The following ERI1 variants were observed in gnomAD, a reference collection of about 807,000 sequenced individuals.
The protein encoded by ERI1 is 3'-5' exoribonuclease 1.
ERI1 carries 39 observed loss-of-function variants against 39.7 expected under a neutral mutation model. The ratio of observed to expected loss-of-function variants is 0.98; its 90% confidence interval spans 0.76 to 1.28. ERI1 has a LOEUF of 1.28. ERI1 is among the 50% of genes most tolerant of loss of function. The pLI, the probability that ERI1 is intolerant of heterozygous loss-of-function variation, is 0.00. For missense variants in ERI1, 581 were observed against 416.9 expected, an observed-to-expected ratio of 1.39 and a Z score of -3.43; for synonymous variants, 204 against 149.6, an observed-to-expected ratio of 1.36 and a Z score of -2.65.
chr8:9,062,818 C>G (rs1012417652), intron 3 of ERI1: 1 of 151,768 alleles, frequency 6.6e-6, no homozygotes, highest in East Asian at 2.0e-4. Context: ...AGTGGGGTCT[C>G]GCTCAGATGG....
Position 9,030,893 on chromosome 8 carries a change from T to C in ERI1, c.*859T>C, listed in dbSNP as rs1301888408. The C allele has an allele frequency of 6.6e-6, 1 of 152,232 alleles. No individual in the cohort carries two copies. The highest frequency in any genetic ancestry group is 1.5e-5 in the Non-Finnish European group (1 of 68,018). The allele number at this position is 152,232 out of a possible 1,614,324, so 9.4% of individuals were successfully genotyped here. A position where few individuals can be genotyped will look rare whatever the true frequency, so the allele number is the denominator to read the frequency against. ...TCGTAAGTGAGGTTAATAAAGTCAA[T>C]ACTTTCTACCATATATTACGTTTTT... On this transcript the variant is annotated 3_prime_UTR_variant, in exon 7 of 7. Transcript: ENST00000250263.
Position 9,011,580 on chromosome 8 carries a change from A to G in ERI1, c.326A>G (p.Tyr109Cys), listed in dbSNP as rs1350556478. 2.5e-6 allele frequency: 4 copies of G among 1,612,730 alleles called. No individual in the cohort carries two copies. Among genetic ancestry groups the G allele is most frequent in the East Asian group, 4.5e-5 (2 of 44,852 alleles). The change falls in exon 3 of 7, where the codon TAT becomes TGT. Residue 109 changes from tyrosine (Y) to cysteine (C), a missense_variant. Physicochemically the swap from Tyr to Cys is radical, Grantham distance 194 (BLOSUM62 -2). Coordinates refer to ENST00000250263, the MANE Select transcript of ERI1 (RefSeq NM_153332.4). ...GTTCTAAAGAAGAGACTGAAAAACT[A>G]TTATAAGAAGCAGAAGCTGATGCTG... ...KDVLKKRLKNYYKKQKLMLKE... is the reference protein window; with the variant it reads ...KDVLKKRLKNCYKKQKLMLKE...
intron 6 of ERI1, among the ~76,000 whole-genome samples, chr8:9,022,873 TC>T (rs906256092): frequency 6.6e-6 from 1 of 152,178 alleles, no homozygotes; most frequent in African/African-American, 2.4e-5. Context: ...ACTTTCCTCT[TC>T]CTTATTATTT....
rs114209463 is a variant in ERI1, at chr8:9,030,545, C to T, written c.*511C>T. On this transcript the variant is annotated 3_prime_UTR_variant, in exon 7 of 7. Coordinates refer to ENST00000250263, the MANE Select transcript of ERI1 (RefSeq NM_153332.4). ...AGTTCACCATGTATGTGGTGAATTT[C>T]GTAAGGTACTTGGTATACATATCTG... 833 of 156,904 alleles carry T rather than the reference C, an allele frequency of 5.3e-3. 9 individuals carry two copies. Among genetic ancestry groups the T allele is most frequent in the African/African-American group, 0.018 (764 of 41,540 alleles). The allele number at this position is 156,904 out of a possible 1,614,324, so 9.7% of individuals were successfully genotyped here.
chr8:9,075,476 T>G (rs185834976), intron 3 of ERI1, among the ~76,000 whole-genome samples: 24 of 149,986 alleles, frequency 1.6e-4, no homozygotes, highest in African/African-American at 5.7e-4. Context: ...TAATATCACA[T>G]GCTGAACATG....
At chr8:9,071,211 C>T (rs1201411628) in intron 3 of ERI1, among the ~76,000 whole-genome samples, 3 of 152,174 alleles carry the variant, frequency 2.0e-5, no homozygotes, top group African/African-American at 4.8e-5. Context: ...CAGACATCTA[C>T]GAGGTCAGTT....
At position 9,011,671 on chromosome 8, in the gene ERI1, T is replaced by C. The variant is rs143220656; in HGVS notation, c.417T>C (p.Cys139=). 642 of 1,613,744 alleles carry C rather than the reference T, an allele frequency of 4.0e-4. 6 individuals carry two copies. In the African/African-American group the frequency reaches 7.6e-3, roughly 19 times the overall value. ...GTATTATTGACTTTGAAGCCACTTGTGAAGAAGGAAACCCACCTGAGTTTG... is the reference window on the plus strand; with the variant it reads ...GTATTATTGACTTTGAAGCCACTTGCGAAGAAGGAAACCCACCTGAGTTTG... ...YICIIDFEAT[C]EEGNPPEFVH... The change falls in exon 3 of 7, where the codon TGT becomes TGC. Residue 139 remains cysteine (C), a synonymous_variant. Coordinates refer to ENST00000250263, the MANE Select transcript of ERI1 (RefSeq NM_153332.4).
intron 3 of ERI1, among the ~76,000 whole-genome samples, chr8:9,039,680 CAAAT>C (rs771900284): frequency 2.5e-4 from 38 of 152,134 alleles, no homozygotes; most frequent in Admixed American, 7.2e-4. Context: ...AATTAAGAAT[CAAAT>C]AAAATTCTTT....
chr8:9,019,730 A>G (rs918713202), intron 5 of ERI1, among the ~76,000 whole-genome samples: 2 of 152,224 alleles, frequency 1.3e-5, no homozygotes, highest in East Asian at 3.8e-4. Context: ...AAGAAAATAC[A>G]AAGGATTATA....
chr8:9,006,325 T>A (rs182719819), intron 1 of ERI1, among the ~76,000 whole-genome samples: 1 of 152,204 alleles, frequency 6.6e-6, no homozygotes, highest in African/African-American at 2.4e-5. Context: ...TTTTTCTTTA[T>A]GGAAGTCATA....
chr8:9,084,370 C>G (rs928921006), intron 3 of ERI1, among the ~76,000 whole-genome samples: 4 of 152,196 alleles, frequency 2.6e-5, no homozygotes, highest in Middle Eastern at 3.2e-3. Context: ...TTGTAACTTT[C>G]TACTTCTCAC....
intron 3 of ERI1, among the ~76,000 whole-genome samples, chr8:9,069,326 AG>A (rs1158641007): frequency 6.6e-6 from 1 of 152,234 alleles, no homozygotes; most frequent in Admixed American, 6.5e-5. Context: ...AATTTTTAAA[AG>A]CACTTATGTT....
At chr8:9,076,377 T>C (rs747301093) in intron 3 of ERI1, among the ~76,000 whole-genome samples, 3 of 152,310 alleles carry the variant, frequency 2.0e-5, no homozygotes, top group East Asian at 3.9e-4. Context: ...AGGAAAGATA[T>C]ACAACATCTA....
intron 3 of ERI1, among the ~76,000 whole-genome samples, chr8:9,041,046 A>G (rs1798002310): frequency 2.6e-5 from 4 of 152,202 alleles, no homozygotes. Context: ...GCCCCCAGGC[A>G]CTTGCTCCGC....
Position 9,020,358 on chromosome 8 carries a change from A to G in ERI1, c.701A>G (p.Asp234Gly). 6.4e-7 allele frequency: 1 copy of G among 1,574,712 alleles called. No homozygotes were observed. Among genetic ancestry groups the G allele is most frequent in the Non-Finnish European group, 8.6e-7 (1 of 1,164,036 alleles). ...CCTTTTTTAATTTATAGTTCTTGGG[A>G]TATGAGTAAGTTCTTGAACATTCAG... ...KYSLLTDGSWDMSKFLNIQCQ... is the reference protein window; with the variant it reads ...KYSLLTDGSWGMSKFLNIQCQ... Residue 234 changes from aspartate (D) to glycine (G), a missense_variant, in exon 6 of 7, where the codon GAT becomes GGT. Coordinates refer to ENST00000250263, the MANE Select transcript of ERI1 (RefSeq NM_153332.4).
At chr8:9,044,425 C>G (rs1798115361) in intron 3 of ERI1, among the ~76,000 whole-genome samples, 2 of 152,138 alleles carry the variant, frequency 1.3e-5, no homozygotes, top group East Asian at 1.9e-4. Flanking sequence ...GGTCAGCAGA[C>G]ACATCACTGC....
At chr8:9,027,137 GTGTGTGTGTGTA>G (rs1399919898) in intron 6 of ERI1, among the ~76,000 whole-genome samples, 11 of 45,932 alleles carry the variant, frequency 2.4e-4, no homozygotes, top group African/African-American at 4.5e-4. Flanking sequence ...TTATTTTCTG[GTGTGTGTGTGTA>G]TGTGTGTGTG....
intron 6 of ERI1, among the ~76,000 whole-genome samples, chr8:9,021,109 A>T (rs1275645148): frequency 6.6e-6 from 1 of 152,036 alleles, no homozygotes; most frequent in African/African-American, 2.4e-5. Flanking sequence ...ATTACCTTTC[A>T]GTCAGAGCAC....
downstream of ERI1, among the ~76,000 whole-genome samples, chr8:9,037,926 T>C (rs566985857): frequency 6.6e-6 from 1 of 151,912 alleles, no homozygotes; most frequent in African/African-American, 2.4e-5. Context: ...CCAAGTATCT[T>C]TGGCCTTGAA....
Sources: allele counts gnomAD v4.1 joint callset (sites outside exome capture counted in the v4.1 genomes callset), GRCh38; gene constraint gnomAD v4.1.1; transcripts MANE v1.5; gene names NCBI Gene and HGNC (gene_info 2026-07-23, HGNC 2026-07-21).